The following DHX9 variants were observed in gnomAD, a reference collection of about 807,000 sequenced individuals.
DHX9 encodes DExH-box helicase 9.
Under a neutral mutation model 148.7 loss-of-function variants are expected in DHX9, and 27 were observed. That is an observed-to-expected ratio of 0.18 (90% CI 0.13 to 0.25). The LOEUF is 0.25. DHX9 is among the 10% of genes least tolerant of loss of function. The pLI is 1.00. For missense variants in DHX9, 796 were observed against 1,559.6 expected (o/e 0.51, Z 8.25); for synonymous variants, 529 against 516.6 (o/e 1.02, Z -0.33).
At chr1:182,856,178 T>C (rs11809623) in intron 6 of DHX9, among the ~76,000 whole-genome samples, 2,692 of 152,332 alleles carry the variant, frequency 0.018, 69 homozygotes, top group African/African-American at 0.056. Context: ...TGGGGCCTAC[T>C]TTATTTCTTG....
Position 182,858,638 on chromosome 1 carries a change from C to T in DHX9, c.898C>T (p.Pro300Ser), listed in dbSNP as rs776596393. The T allele has an allele frequency of 6.2e-7, 1 of 1,608,088 alleles. No homozygotes were observed. The highest frequency in any genetic ancestry group is 1.3e-5 in the African/African-American group (1 of 74,784). Residue 300 changes from proline (P) to serine (S), a missense_variant and splice_region_variant, in exon 9 of 28, where the codon CCG becomes TCG. Coordinates refer to ENST00000367549, the MANE Select transcript of DHX9 (RefSeq NM_001357.5). The part of the protein sequence containing the change: ...IQELNLEILP[P>S]PEDPSVPVAL... ...AGAGCTAAATCTTGAGATTTTGCCC[C>T]CGGTAAGCATAAAGCTGTTTAGTTC...
chr1:182,879,179 T>G (rs1648969048), intron 20 of DHX9, 71 bp from the exon 21 acceptor site: 1 of 1,270,682 alleles, frequency 7.9e-7, no homozygotes, highest in Admixed American at 2.6e-5. Context: ...CTGATTACCT[T>G]GCTGCAAAAA....
chr1:182,845,276 G>A (rs1479491288), intron 3 of DHX9, among the ~76,000 whole-genome samples: 1 of 151,846 alleles, frequency 6.6e-6, no homozygotes, highest in African/African-American at 2.4e-5. Flanking sequence ...TTATCTTTTA[G>A]GCTCTTCTCT....
chr1:182,876,940 T>G, intron 19 of DHX9, 37 bp downstream of exon 19: 1 of 1,463,654 alleles, frequency 6.8e-7, no homozygotes, highest in Non-Finnish European at 9.5e-7. Flanking sequence ...TGCTCCAGTG[T>G]TACTAACTGG....
intron 11 of DHX9, 123 bp from the exon 12 acceptor site, chr1:182,859,870 C>A (rs941451240): frequency 1.2e-6 from 1 of 846,510 alleles, no homozygotes; most frequent in Non-Finnish European, 1.8e-6. Flanking sequence ...TCCCAAAGTG[C>A]TGGGATTACA....
Position 182,875,781 on chromosome 1 carries a change from G to C in DHX9, c.1816-269G>C, listed in dbSNP as rs74610791. On this transcript the variant is annotated intron_variant, in intron 16 of 27. Transcript: ENST00000367549. Reference sequence around the variant, plus strand: ...TAATACAAAGAAATATACTCAGAAGGCTCCATGAGAGTTTTGAGTCAAATT... The same window carrying C: ...TAATACAAAGAAATATACTCAGAAGCCTCCATGAGAGTTTTGAGTCAAATT... Among the ~76,000 whole-genome samples the C allele has an allele frequency of 7.4e-4, 112 of 152,242 alleles. No individual in the cohort carries two copies. The East Asian group carries it at 0.013, about 17-fold the overall frequency.
At chr1:182,859,421 G>A (rs1045630054) in intron 11 of DHX9, among the ~76,000 whole-genome samples, 2 of 152,186 alleles carry the variant, frequency 1.3e-5, no homozygotes, top group African/African-American at 4.8e-5. Flanking sequence ...TAAAAAGAAT[G>A]CGTGTGCGAC....
chr1:182,864,155 A>G (rs1648170218), intron 12 of DHX9, among the ~76,000 whole-genome samples: 1 of 152,144 alleles, frequency 6.6e-6, no homozygotes, highest in African/African-American at 2.4e-5. Context: ...ACACACCATC[A>G]TTGCTCACTG....
At chr1:182,859,170 GT>G (rs546891147) in intron 11 of DHX9, 53 bp downstream of exon 11, 33 of 1,537,692 alleles carry the variant, frequency 2.1e-5, no homozygotes, top group Non-Finnish European at 3.0e-5. Context: ...AATGTTCTAG[GT>G]ATGGGTAAAA....
intron 12 of DHX9, 197 bp downstream of exon 12, chr1:182,860,381 A>C (rs548344368): frequency 2.7e-6 from 1 of 368,804 alleles, no homozygotes; most frequent in South Asian, 7.1e-5. Context: ...AAACTGGACT[A>C]TGTGAGGGAT....
intron 15 of DHX9, 105 bp downstream of exon 15, chr1:182,872,598 G>T: frequency 1.6e-6 from 2 of 1,248,556 alleles, no homozygotes; most frequent in East Asian, 2.3e-5. Flanking sequence ...TAAAATACAG[G>T]ACAAATTATA....
intron 14 of DHX9, among the ~76,000 whole-genome samples, chr1:182,869,689 C>T (rs1329461699): frequency 6.6e-6 from 1 of 152,254 alleles, no homozygotes; most frequent in Non-Finnish European, 1.5e-5. Flanking sequence ...CAGCTCACTG[C>T]AACCTCCGCC....
intron 4 of DHX9, 121 bp downstream of exon 4, chr1:182,852,465 C>T: frequency 3.3e-6 from 2 of 601,934 alleles, no homozygotes; most frequent in South Asian, 5.6e-5. Context: ...AAGAGACAAC[C>T]CAAGGCCTTC....
At chr1:182,851,796 C>G (rs1197293501) in intron 3 of DHX9, among the ~76,000 whole-genome samples, 2 of 152,130 alleles carry the variant, frequency 1.3e-5, no homozygotes, top group Admixed American at 1.3e-4. Flanking sequence ...ATTCCGTGAT[C>G]ATCTTAATAA....
At chr1:182,846,502 G>A (rs1668032350) in intron 3 of DHX9, among the ~76,000 whole-genome samples, 1 of 152,230 alleles carries the variant, frequency 6.6e-6, no homozygotes, top group Non-Finnish European at 1.5e-5. Flanking sequence ...CCAAAGTGCT[G>A]GGATTACAGG....
chr1:182,847,841 A>T (rs1439425484), intron 3 of DHX9, among the ~76,000 whole-genome samples: 3 of 152,088 alleles, frequency 2.0e-5, no homozygotes, highest in African/African-American at 7.2e-5. Context: ...TATTGCCTGC[A>T]TATAGTTCTG....
intron 12 of DHX9, among the ~76,000 whole-genome samples, chr1:182,863,392 T>A (rs1648075812): frequency 6.6e-6 from 1 of 152,184 alleles, no homozygotes; most frequent in Non-Finnish European, 1.5e-5. Flanking sequence ...TAAGGCATAT[T>A]TGCTGCCATG....
At chr1:182,848,650 C>T (rs1029365240) in intron 3 of DHX9, among the ~76,000 whole-genome samples, 2 of 152,154 alleles carry the variant, frequency 1.3e-5, no homozygotes, top group Non-Finnish European at 2.9e-5. Flanking sequence ...CTTTTAACCC[C>T]ACTGTATTAT....
chr1:182,856,416 A>AT (rs1001873291), intron 6 of DHX9, 116 bp from the exon 7 acceptor site: 4,507 of 711,374 alleles, frequency 6.3e-3, no homozygotes, highest in South Asian at 8.6e-3. Flanking sequence ...AATGTTGGTA[A>AT]TTTTTTTTTT....
Sources: allele counts gnomAD v4.1 joint callset (sites outside exome capture counted in the v4.1 genomes callset), GRCh38; gene constraint gnomAD v4.1.1; transcripts MANE v1.5; gene names NCBI Gene and HGNC (gene_info 2026-07-23, HGNC 2026-07-21).